Variants in SPAG1 observed in about 807,000 individuals in gnomAD.
SPAG1 encodes sperm-associated antigen 1.
SPAG1 carries 69 observed loss-of-function variants against 100.5 expected under a neutral mutation model. The ratio of observed to expected loss-of-function variants is 0.69; its 90% confidence interval spans 0.57 to 0.84. The LOEUF (loss-of-function observed/expected upper bound fraction) is 0.84. SPAG1 is among the 40% of genes least tolerant of loss of function. SPAG1 has a pLI of 0.00. For missense variants in SPAG1, 955 were observed against 1,133.1 expected (o/e 0.84, Z 2.26); for synonymous variants, 336 against 411.6 (o/e 0.82, Z 2.22).
In SPAG1 at chr8:100,194,163, G is replaced by A. The variant is rs17335870; in HGVS notation, c.991G>A (p.Glu331Lys). Reference protein sequence around the residue: ...RDLKNSEAASETQTKGKRMVI... With the variant: ...RDLKNSEAASKTQTKGKRMVI... ...TCTGAAAAATTCTGAAGCTGCATCT[G>A]AGACTCAAACCAAAGGGAAAAGGAT... Residue 331 changes from glutamate to lysine, a missense_variant, in exon 10 of 19, where the codon GAG becomes AAG. Coordinates refer to ENST00000388798, the MANE Select transcript of SPAG1 (RefSeq NM_003114.5). 313,878 of 1,596,798 alleles carry A rather than the reference G, an allele frequency of 0.2. 32,652 individuals are homozygous for A. Among genetic ancestry groups the A allele is most frequent in the Middle Eastern group, 0.24 (1,426 of 5,990 alleles).
chr8:100,196,341 A>G (rs1330686346), intron 10 of SPAG1, among the ~76,000 whole-genome samples: 2 of 152,224 alleles, frequency 1.3e-5, no homozygotes, highest in African/African-American at 4.8e-5. Flanking sequence ...TGCCATTAGT[A>G]ACATATGAGA....
intron 10 of SPAG1, among the ~76,000 whole-genome samples, chr8:100,203,832 T>C (rs1030696210): frequency 6.6e-6 from 1 of 152,078 alleles, no homozygotes; most frequent in Admixed American, 6.6e-5. Context: ...AGAGCTGAAA[T>C]TGTGGAAAAA....
At chr8:100,207,924 G>A (rs1203947752) in intron 10 of SPAG1, among the ~76,000 whole-genome samples, 3 of 152,148 alleles carry the variant, frequency 2.0e-5, no homozygotes, top group African/African-American at 7.2e-5. Context: ...ACTTTGCAGG[G>A]CTGGGGCAAA....
chr8:100,174,677 G>C (rs1352851999), intron 3 of SPAG1, among the ~76,000 whole-genome samples: 1 of 152,154 alleles, frequency 6.6e-6, no homozygotes, highest in East Asian at 1.9e-4. Flanking sequence ...CCTTCTGCCA[G>C]ATTGTCTAAT....
chr8:100,215,159 G>T (rs1817920384), intron 12 of SPAG1, among the ~76,000 whole-genome samples: 1 of 150,872 alleles, frequency 6.6e-6, no homozygotes, highest in South Asian at 2.1e-4. Context: ...ATCTCTGCCT[G>T]TCCCCCTCTT....
At chr8:100,229,116 T>C (rs1262549639) in intron 14 of SPAG1, among the ~76,000 whole-genome samples, 4 of 152,198 alleles carry the variant, frequency 2.6e-5, no homozygotes, top group East Asian at 3.9e-4. Flanking sequence ...GCATTAAGAA[T>C]GAGGAAGTAG....
intron 10 of SPAG1, 53 bp downstream of exon 10, chr8:100,194,321 G>C: frequency 1.3e-6 from 2 of 1,571,812 alleles, no homozygotes; most frequent in East Asian, 4.7e-5. Context: ...TTAATATGAT[G>C]AGCTGGCTCA....
At chr8:100,161,647 G>C (rs1487165390) in intron 1 of SPAG1, among the ~76,000 whole-genome samples, 1 of 152,102 alleles carries the variant, frequency 6.6e-6, no homozygotes, top group African/African-American at 2.4e-5. Context: ...CCACAAACAA[G>C]TTTATGGAGG....
intron 12 of SPAG1, among the ~76,000 whole-genome samples, chr8:100,218,221 T>C (rs1485209679): frequency 1.3e-5 from 2 of 152,274 alleles, no homozygotes. Context: ...TCTCTGTGCT[T>C]ATTTTTATAC....
At chr8:100,202,360 AC>A (rs1048754220) in intron 10 of SPAG1, among the ~76,000 whole-genome samples, 1 of 151,916 alleles carries the variant, frequency 6.6e-6, no homozygotes, top group Non-Finnish European at 1.5e-5. Flanking sequence ...AAAACAAAAA[AC>A]AAAACAAAAA....
chr8:100,191,559 A>T, intron 9 of SPAG1, 63 bp downstream of exon 9: 3 of 1,158,806 alleles, frequency 2.6e-6, no homozygotes, highest in Non-Finnish European at 3.9e-6. Flanking sequence ...TTTATTTTAA[A>T]GTGGTATCAA....
chr8:100,207,773 G>A (rs1306138805), intron 10 of SPAG1, among the ~76,000 whole-genome samples: 1 of 152,196 alleles, frequency 6.6e-6, no homozygotes, highest in African/African-American at 2.4e-5. Context: ...TCACTTTATG[G>A]CTAAAGAAGT....
At chr8:100,207,947 G>A (rs1005330534) in intron 10 of SPAG1, among the ~76,000 whole-genome samples, 1 of 152,146 alleles carries the variant, frequency 6.6e-6, no homozygotes, top group African/African-American at 2.4e-5. Flanking sequence ...TCTCCAGAAG[G>A]CCGTGTATAC....
At chr8:100,193,040 A>G (rs1816880341) in intron 9 of SPAG1, among the ~76,000 whole-genome samples, 1 of 152,264 alleles carries the variant, frequency 6.6e-6, no homozygotes, top group African/African-American at 2.4e-5. Flanking sequence ...GAAAATCTTT[A>G]TGACCTTAGA....
At position 100,213,928 on chromosome 8, in the gene SPAG1, A is replaced by G. The variant is rs1383471240; in HGVS notation, c.1535+10A>G. ...TTCAAGATTGTAACAGGTAAACTGC[A>G]CGTTTTCAGGTTTGTCAAGAGATTG... On this transcript the variant is annotated intron_variant, in intron 12 of 18. Transcript: ENST00000388798. 3 of 1,480,000 alleles carry G rather than the reference A, an allele frequency of 2.0e-6. No individual in the cohort carries two copies. Among genetic ancestry groups the G allele is most frequent in the Admixed American group, 3.5e-5 (2 of 57,566 alleles). 91.7% of individuals were successfully genotyped at this position (1,480,000 alleles called of 1,614,324 possible).
intron 1 of SPAG1, among the ~76,000 whole-genome samples, chr8:100,160,684 G>C (rs1236388795): frequency 6.6e-6 from 1 of 151,514 alleles, no homozygotes; most frequent in Non-Finnish European, 1.5e-5. Context: ...ACAGTTCATT[G>C]TGTAGTAGGG....
intron 10 of SPAG1, among the ~76,000 whole-genome samples, chr8:100,204,728 G>T (rs181184980): frequency 7.3e-4 from 111 of 152,246 alleles, no homozygotes; most frequent in Middle Eastern, 3.4e-3. Flanking sequence ...TACCCTTGAT[G>T]AATGCCTTGT....
chr8:100,166,035 C>T, intron 3 of SPAG1, 62 bp downstream of exon 3: 1 of 1,398,198 alleles, frequency 7.2e-7, no homozygotes, highest in Non-Finnish European at 9.8e-7. Context: ...GTTTACTTCA[C>T]TTATCGGAAA....
At chr8:100,195,089 C>T (rs1971305) in intron 10 of SPAG1, among the ~76,000 whole-genome samples, 25,192 of 149,950 alleles carry the variant, frequency 0.17, 2,421 homozygotes, top group South Asian at 0.23. Context: ...GGCTTAAACC[C>T]GGGAGGCGGA....
Sources: allele counts gnomAD v4.1 joint callset (sites outside exome capture counted in the v4.1 genomes callset), GRCh38; gene constraint gnomAD v4.1.1; transcripts MANE v1.5; gene names NCBI Gene and HGNC (gene_info 2026-07-23, HGNC 2026-07-21).